CLOCK: variants seen among roughly 807,000 people sequenced by gnomAD.
CLOCK encodes the protein clock circadian regulator, also known as circadian locomoter output cycles protein kaput.
CLOCK carries 43 observed loss-of-function variants against 118.4 expected under a neutral mutation model. That is an observed-to-expected ratio of 0.36 (90% CI 0.28 to 0.47). CLOCK has a LOEUF of 0.47. CLOCK is among the 20% of genes least tolerant of loss of function. CLOCK has a pLI of 1.00. For missense variants in CLOCK, 846 were observed against 999.9 expected (o/e 0.85, Z 2.08); for synonymous variants, 326 against 339.2 (o/e 0.96, Z 0.43).
At chr4:55,452,936 C>T in intron 15 of CLOCK, 118 bp downstream of exon 15, 1 of 729,290 alleles carries the variant, frequency 1.4e-6, no homozygotes, top group Non-Finnish European at 2.3e-6. Flanking sequence ...TAATCACATC[C>T]CCGTTATAAG....
At chr4:55,477,745 GAA>G in intron 6 of CLOCK, among the ~76,000 whole-genome samples, 1 of 152,128 alleles carries the variant, frequency 6.6e-6, no homozygotes, top group Admixed American at 6.5e-5. Flanking sequence ...ATAAGCAAGA[GAA>G]AGAGTGTACA....
At chr4:55,438,154 A>C in intron 22 of CLOCK, 128 bp downstream of exon 22, 12 of 1,204,242 alleles carry the variant, frequency 1.0e-5, no homozygotes, top group South Asian at 1.4e-5. Flanking sequence ...CTATCTTTGT[A>C]GAGATTTAAA....
intron 2 of CLOCK, among the ~76,000 whole-genome samples, chr4:55,496,337 C>T (rs921729458): frequency 6.6e-6 from 1 of 151,840 alleles, no homozygotes; most frequent in Non-Finnish European, 1.5e-5. Context: ...AGTAAAGGCA[C>T]AAGGGAGTAA....
intron 1 of CLOCK, among the ~76,000 whole-genome samples, chr4:55,516,300 A>G (rs1040576108): frequency 1.3e-5 from 2 of 152,198 alleles, no homozygotes; most frequent in Non-Finnish European, 2.9e-5. Context: ...ATGGGGTATT[A>G]AAGTCTCCAT....
At chr4:55,463,286 CAT>C (rs1396038272) in intron 9 of CLOCK, among the ~76,000 whole-genome samples, 1 of 151,844 alleles carries the variant, frequency 6.6e-6, no homozygotes, top group African/African-American at 2.4e-5. Context: ...TTAAAAGAAA[CAT>C]AGAAATTTTT....
chr4:55,451,730 G>A (rs1724472901), intron 15 of CLOCK, among the ~76,000 whole-genome samples: 1 of 152,148 alleles, frequency 6.6e-6, no homozygotes. Context: ...CCTAATCAAG[G>A]AACCCTAGAT....
At chr4:55,533,014 AAG>A (rs1331897405) in intron 1 of CLOCK, among the ~76,000 whole-genome samples, 3 of 152,212 alleles carry the variant, frequency 2.0e-5, no homozygotes, top group African/African-American at 7.2e-5. Context: ...TTTAAACTGA[AAG>A]AGTTAATACT....
chr4:55,485,080 C>T (rs868052046), intron 3 of CLOCK, among the ~76,000 whole-genome samples: 5 of 152,100 alleles, frequency 3.3e-5, no homozygotes, highest in Non-Finnish European at 7.4e-5. Context: ...TCTCCTGCCT[C>T]AGCCTCCTGA....
chr4:55,463,923 C>T, intron 8 of CLOCK, 118 bp from the exon 9 acceptor site: 1 of 1,042,462 alleles, frequency 9.6e-7, no homozygotes, highest in Non-Finnish European at 1.4e-6. Flanking sequence ...TGAAAACCAA[C>T]AAATGTCAAG....
At chr4:55,468,418 TTAA>T (rs1163473872) in intron 8 of CLOCK, among the ~76,000 whole-genome samples, 2 of 152,176 alleles carry the variant, frequency 1.3e-5, no homozygotes, top group African/African-American at 4.8e-5. Context: ...AGAGCAGATA[TTAA>T]TAAATACACA....
At chr4:55,455,785 T>A (rs1278960060) in intron 13 of CLOCK, 112 bp downstream of exon 13, 5 of 828,284 alleles carry the variant, frequency 6.0e-6, no homozygotes, top group Non-Finnish European at 1.0e-5. Context: ...TTTTAGCATA[T>A]TTCAAAAATA....
At chr4:55,462,324 T>A (rs1725400509) in intron 9 of CLOCK, among the ~76,000 whole-genome samples, 1 of 152,162 alleles carries the variant, frequency 6.6e-6, no homozygotes, top group South Asian at 2.1e-4. Context: ...TCTCGCTCTA[T>A]CGCCCAGGCT....
intron 1 of CLOCK, among the ~76,000 whole-genome samples, chr4:55,533,993 C>T (rs570856381): frequency 3.0e-4 from 45 of 152,322 alleles, no homozygotes; most frequent in African/African-American, 1.0e-3. Flanking sequence ...AAAACTTTTG[C>T]TTTTCAGTAA....
chr4:55,476,478 T>C (rs1020185254), intron 6 of CLOCK, among the ~76,000 whole-genome samples: 5 of 152,168 alleles, frequency 3.3e-5, no homozygotes, highest in African/African-American at 9.7e-5. Context: ...AAGAGGTCAC[T>C]AGGTTTGCTT....
intron 7 of CLOCK, among the ~76,000 whole-genome samples, chr4:55,475,499 AATGCTATC>A (rs892295410): frequency 2.0e-4 from 31 of 152,310 alleles, no homozygotes; most frequent in Admixed American, 1.8e-3. Flanking sequence ...CTCTGGGTAA[AATGCTATC>A]AAACAGCACT....
Position 55,509,951 on chromosome 4 carries a change from C to T in CLOCK, c.-175G>A, listed in dbSNP as rs1211194488. The T allele has an allele frequency of 6.6e-6, 1 of 152,118 alleles. No homozygotes were observed. Among genetic ancestry groups the T allele is most frequent in the Non-Finnish European group, 1.5e-5 (1 of 68,032 alleles). The allele number at this position is 152,118 out of a possible 1,614,324, so 9.4% of individuals were successfully genotyped here. A position where few individuals can be genotyped will look rare whatever the true frequency, so the allele number is the denominator to read the frequency against. On this transcript the variant is annotated 5_prime_UTR_variant, in exon 2 of 23. Transcript: ENST00000513440. ...TGATGATTGAAGGTATCTAGTGAGA[C>T]TTGCCAAGTTCTAAAGATTCATTTA...
intron 3 of CLOCK, among the ~76,000 whole-genome samples, chr4:55,483,041 A>G (rs1727037991): frequency 6.6e-6 from 1 of 152,220 alleles, no homozygotes; most frequent in Non-Finnish European, 1.5e-5. Flanking sequence ...AAAAAAAGTA[A>G]TTCAGGCTCA....
At chr4:55,508,466 A>G in intron 2 of CLOCK, among the ~76,000 whole-genome samples, 1 of 151,940 alleles carries the variant, frequency 6.6e-6, no homozygotes, top group Middle Eastern at 3.2e-3. Flanking sequence ...ATTGGCATGG[A>G]CTCCTATCTC....
At chr4:55,444,904 G>T in intron 18 of CLOCK, 119 bp from the exon 19 acceptor site, 1 of 1,008,242 alleles carries the variant, frequency 9.9e-7, no homozygotes, top group Non-Finnish European at 1.5e-6. Context: ...TCCTTCACTA[G>T]TTATGTCCCT....
Sources: gnomAD v4.1 joint callset for allele counts (sites outside exome capture counted in the v4.1 genomes callset) on GRCh38, gnomAD v4.1.1 for gene constraint, MANE v1.5 for transcripts, NCBI Gene and HGNC (gene_info 2026-07-23, HGNC 2026-07-21) for gene names.